The following FOXP2 variants were observed in gnomAD, a reference collection of about 807,000 sequenced individuals.
FOXP2 encodes the protein forkhead box protein P2.
Under a neutral mutation model 115.8 loss-of-function variants are expected in FOXP2, and 12 were observed. The ratio of observed to expected loss-of-function variants is 0.10; its 90% CI spans 0.07 to 0.17. The LOEUF (loss-of-function observed/expected upper bound fraction) is 0.17. FOXP2 is among the 10% of genes least tolerant of loss of function. The pLI, the probability that FOXP2 is intolerant of heterozygous loss-of-function variation, is 1.00. For synonymous variants in FOXP2, 328 were observed against 297.7 expected (o/e 1.10, Z -1.05); for missense variants, 629 against 843.5 (o/e 0.75, Z 3.15).
chr7:114,515,407 A>T (rs1462523278), intron 2 of FOXP2, among the ~76,000 whole-genome samples: 8 of 150,664 alleles, frequency 5.3e-5, no homozygotes, highest in Admixed American at 2.0e-4. Context: ...AATGATTGCC[A>T]TTCTAACTGG....
chr7:114,689,670 G>A, intron 16 of FOXP2, 112 bp from the exon 17 acceptor site: 2 of 1,054,914 alleles, frequency 1.9e-6, no homozygotes, highest in South Asian at 1.3e-5. Flanking sequence ...TTTTAAGAAA[G>A]ACAATGTTGT....
intron 1 of FOXP2, among the ~76,000 whole-genome samples, chr7:114,233,612 A>G (rs1165716101): frequency 6.6e-6 from 1 of 152,244 alleles, no homozygotes; most frequent in Non-Finnish European, 1.5e-5. Flanking sequence ...AATGTTATAC[A>G]TACAGTGCTT....
chr7:114,543,864 CT>C, intron 3 of FOXP2, among the ~76,000 whole-genome samples: 1 of 152,316 alleles, frequency 6.6e-6, no homozygotes, highest in East Asian at 1.9e-4. Context: ...CAAGTATCCC[CT>C]ACTTTCCTTG....
At chr7:114,176,998 G>A (rs1253231349) in intron 1 of FOXP2, among the ~76,000 whole-genome samples, 2 of 152,176 alleles carry the variant, frequency 1.3e-5, no homozygotes, top group African/African-American at 4.8e-5. Flanking sequence ...TTAGCTGTAT[G>A]AACTTCCTCC....
chr7:114,185,342 C>T (rs940567556), intron 1 of FOXP2, among the ~76,000 whole-genome samples: 3 of 152,062 alleles, frequency 2.0e-5, no homozygotes, highest in African/African-American at 7.2e-5. Flanking sequence ...GCTTTATTCC[C>T]CGTTCTGACA....
At chr7:114,169,519 T>C (rs1038981969) in intron 1 of FOXP2, among the ~76,000 whole-genome samples, 7 of 152,230 alleles carry the variant, frequency 4.6e-5, no homozygotes, top group Admixed American at 6.5e-5. Flanking sequence ...CTTCATTGTA[T>C]CTAGGAAGTA....
At chr7:114,089,714 AGTT>A (rs1799504842) in intron 1 of FOXP2, among the ~76,000 whole-genome samples, 2 of 152,022 alleles carry the variant, frequency 1.3e-5, no homozygotes, top group African/African-American at 4.8e-5. Flanking sequence ...GGGAGGAAAT[AGTT>A]GTATGTGGCA....
intron 2 of FOXP2, among the ~76,000 whole-genome samples, chr7:114,525,437 C>G (rs1006746121): frequency 1.9e-4 from 29 of 152,068 alleles, no homozygotes; most frequent in African/African-American, 6.5e-4. Context: ...AGGCAATATT[C>G]CAGAAGAAAA....
chr7:114,537,322 G>A (rs1327591424), intron 3 of FOXP2, among the ~76,000 whole-genome samples: 1 of 151,424 alleles, frequency 6.6e-6, no homozygotes, highest in Non-Finnish European at 1.5e-5. Flanking sequence ...GGTATTAATC[G>A]ATTATGATGG....
chr7:114,595,592 G>A (rs1318794600), intron 3 of FOXP2, among the ~76,000 whole-genome samples: 1 of 151,980 alleles, frequency 6.6e-6, no homozygotes. Flanking sequence ...TATAATAGAG[G>A]TAAGTTGTTT....
chr7:114,423,847 T>G (rs1490282533), intron 1 of FOXP2, among the ~76,000 whole-genome samples: 1 of 151,522 alleles, frequency 6.6e-6, no homozygotes, highest in Admixed American at 6.6e-5. Context: ...TCCTTTATAG[T>G]GAACATACTC....
intron 2 of FOXP2, among the ~76,000 whole-genome samples, chr7:114,393,128 A>T (rs892305132): frequency 1.3e-5 from 2 of 152,150 alleles, no homozygotes; most frequent in Non-Finnish European, 2.9e-5. Context: ...TATCAGGGTG[A>T]TGTGCAATTC....
intron 1 of FOXP2, among the ~76,000 whole-genome samples, chr7:114,241,994 A>G (rs1795166848): frequency 6.7e-6 from 1 of 148,156 alleles, no homozygotes; most frequent in Non-Finnish European, 1.5e-5. Context: ...AGTCCTTTGG[A>G]CTTCTGTTTG....
intron 1 of FOXP2, among the ~76,000 whole-genome samples, chr7:114,189,002 TA>T (rs1793687237): frequency 1.3e-5 from 2 of 152,206 alleles, no homozygotes; most frequent in African/African-American, 4.8e-5. Flanking sequence ...TTGAATGCTT[TA>T]ATCTCCTCAG....
rs183081251 is a variant in FOXP2, at chr7:114,452,047, A to G, written c.168+25368A>G. 5.9e-5 allele frequency among the ~76,000 whole-genome samples: 9 copies of G among 152,028 alleles called. No individual in the cohort carries two copies. The East Asian group carries it at 1.7e-3, about 29-fold the overall frequency. On this transcript the variant is annotated intron_variant, in intron 2 of 16. Transcript: ENST00000350908. ...TTCTAACCCCATAGATCAGACACATATTTGTCTTGATATTTGGTATTCTCT... is the reference window on the plus strand; with the variant it reads ...TTCTAACCCCATAGATCAGACACATGTTTGTCTTGATATTTGGTATTCTCT...
intron 1 of FOXP2, among the ~76,000 whole-genome samples, chr7:114,101,899 T>TTCTG (rs574993238): frequency 1.3e-4 from 19 of 142,518 alleles, no homozygotes; most frequent in Admixed American, 1.2e-3. Flanking sequence ...CTTCAACATT[T>TTCTG]TGTGTGTGTG....
intron 3 of FOXP2, among the ~76,000 whole-genome samples, chr7:114,611,691 G>A (rs549009498): frequency 5.9e-4 from 90 of 151,970 alleles, no homozygotes; most frequent in Non-Finnish European, 9.4e-4. Context: ...CTGGCATTTC[G>A]CTATAATCGC....
chr7:114,652,930 A>T (rs1388470685), intron 9 of FOXP2, among the ~76,000 whole-genome samples: 1 of 152,164 alleles, frequency 6.6e-6, no homozygotes, highest in Non-Finnish European at 1.5e-5. Context: ...AATAGAATCC[A>T]TAGAACTAAT....
chr7:114,641,682 T>C (rs887766464), intron 6 of FOXP2, among the ~76,000 whole-genome samples: 6 of 152,024 alleles, frequency 3.9e-5, no homozygotes, highest in Non-Finnish European at 8.8e-5. Context: ...TTGAAATCTG[T>C]TTCTCTTTCA....
Sources: gnomAD v4.1 joint callset for allele counts (sites outside exome capture counted in the v4.1 genomes callset) on GRCh38, gnomAD v4.1.1 for gene constraint, MANE v1.5 for transcripts, NCBI Gene and HGNC (gene_info 2026-07-23, HGNC 2026-07-21) for gene names.